Variants in KAT6B observed in about 807,000 individuals in gnomAD.
The protein encoded by KAT6B is histone acetyltransferase KAT6B.
In KAT6B, 10 loss-of-function variants were observed where a neutral mutation model predicts 187.5. The ratio of observed to expected loss-of-function variants is 0.05; its 90% CI spans 0.03 to 0.09. KAT6B has a LOEUF of 0.09. Ranked by LOEUF, KAT6B falls within the 10% of genes least tolerant of loss-of-function variation. KAT6B has a pLI of 1.00. For missense variants in KAT6B, 1,952 were observed against 2,558.9 expected, an observed-to-expected ratio of 0.76 and a Z score of 5.12; for synonymous variants, 861 against 926.8, an observed-to-expected ratio of 0.93 and a Z score of 1.29.
chr10:74,851,212 A>T (rs1480561772), intron 3 of KAT6B, among the ~76,000 whole-genome samples: 1 of 151,580 alleles, frequency 6.6e-6, no homozygotes, highest in African/African-American at 2.4e-5. Context: ...GGTTCAAGCG[A>T]TTCTCCTGCC....
intron 3 of KAT6B, among the ~76,000 whole-genome samples, chr10:74,942,086 G>A (rs890305792): frequency 6.6e-6 from 1 of 152,146 alleles, no homozygotes; most frequent in African/African-American, 2.4e-5. Context: ...GGAGGCGGAG[G>A]TTGCAGTGAG....
Position 74,976,078 on chromosome 10 carries a change from G to T in KAT6B, c.1741G>T (p.Ala581Ser). ...TCGTAAAACTGAATTATCTTCCACG[G>T]CAAAATCTAAAGCCCACTTCTTTGG... ...MRRKTELSST[A>S]KSKAHFFGKR... The change falls in exon 8 of 18, where the codon GCA becomes TCA. Residue 581 changes from alanine to serine, a missense_variant. Ala to Ser is a moderately conservative substitution (Grantham distance 99). This residue lies in a region of KAT6B where 417 missense variants were observed against 508.9 expected (regional missense o/e 0.82). Transcript: ENST00000287239. 1 of 1,614,104 alleles carries T rather than the reference G, an allele frequency of 6.2e-7. No individual in the cohort carries two copies. Among genetic ancestry groups the T allele is most frequent in the Non-Finnish European group, 8.5e-7 (1 of 1,180,034 alleles).
At chr10:74,877,352 A>G (rs1844496440) in intron 3 of KAT6B, among the ~76,000 whole-genome samples, 1 of 152,192 alleles carries the variant, frequency 6.6e-6, no homozygotes, top group South Asian at 2.1e-4. Context: ...AATTTAGGAA[A>G]AGGGGGGCTG....
chr10:74,921,710 C>T (rs536214268), intron 3 of KAT6B, among the ~76,000 whole-genome samples: 1 of 152,316 alleles, frequency 6.6e-6, no homozygotes, highest in African/African-American at 2.4e-5. Context: ...CTCCTGCTTA[C>T]TATTGGTTTT....
In KAT6B at chr10:74,828,522, C is replaced by T. The variant is rs568341115; in HGVS notation, c.-329+1737C>T. ...TATACCCTAGATTTTTTGGCATAGC[C>T]TTGAAATAAAACACTCCATTTTTTT... On this transcript the variant is annotated intron_variant, in intron 1 of 17. Transcript: ENST00000287239. Among the ~76,000 whole-genome samples the T allele has an allele frequency of 2.1e-5, 3 of 145,096 alleles. No individual in the cohort carries two copies. The South Asian group carries it at 6.5e-4, about 31-fold the overall frequency.
At chr10:74,979,109 T>A in intron 9 of KAT6B, 115 bp from the exon 10 acceptor site, 1 of 732,140 alleles carries the variant, frequency 1.4e-6, no homozygotes, top group Non-Finnish European at 2.4e-6. Flanking sequence ...GCCATGCAAA[T>A]TCACAATTAA....
chr10:75,023,865 AAATAAT>A (rs757658732), intron 16 of KAT6B: 1 of 151,980 alleles, frequency 6.6e-6, no homozygotes, highest in Non-Finnish European at 1.5e-5. Flanking sequence ...AGTATTTTTA[AAATAAT>A]AATAATAATA....
rs1846043222 is a variant in KAT6B at position 75,028,483 on chromosome 10, A to C, written c.3665-6A>C. The C allele has an allele frequency of 2.5e-6, 4 of 1,614,118 alleles. No individual in the cohort carries two copies. The highest frequency in any genetic ancestry group is 3.4e-6 in the Non-Finnish European group (4 of 1,180,038). On this transcript the variant is annotated splice_region_variant and splice_polypyrimidine_tract_variant and intron_variant, in intron 17 of 17. Transcript: ENST00000287239. Reference sequence around the variant, plus strand: ...TTTTCCTTCCCGTTTTTGTCTCTTCACTAAGACAATATGAATGATGATTCA... The same window carrying C: ...TTTTCCTTCCCGTTTTTGTCTCTTCCCTAAGACAATATGAATGATGATTCA...
In KAT6B at chr10:74,979,310, C is replaced by T; in HGVS notation, c.2202C>T (p.Tyr734=). The stretch of plus-strand genomic sequence containing the variant: ...GTAAATATGAAATCCAAACCTGGTA[C>T]TCCTCGCCTTACCCACAGGAATATG... ...EFGKYEIQTW[Y]SSPYPQEYAR... Residue 734 remains tyrosine (Y), a synonymous_variant, in exon 10 of 18, where the codon TAC becomes TAT. Transcript: ENST00000287239. 6.2e-7 allele frequency: 1 copy of T among 1,613,262 alleles called. No individual in the cohort carries two copies. Among genetic ancestry groups the T allele is most frequent in the Non-Finnish European group, 8.5e-7 (1 of 1,179,260 alleles).
intron 3 of KAT6B, among the ~76,000 whole-genome samples, chr10:74,932,092 CAT>C (rs1271396318): frequency 6.6e-6 from 1 of 152,194 alleles, no homozygotes; most frequent in Non-Finnish European, 1.5e-5. Context: ...CTCACATTCT[CAT>C]TCTTTGAATC....
intron 3 of KAT6B, among the ~76,000 whole-genome samples, chr10:74,853,620 CTTTTTTT>C (rs542210569): frequency 6.5e-5 from 8 of 122,612 alleles, no homozygotes; most frequent in African/African-American, 9.4e-5. Flanking sequence ...TAAGAAATGC[CTTTTTTT>C]TTTTTTTTTT....
At chr10:74,994,095 T>C (rs1200641208) in intron 13 of KAT6B, among the ~76,000 whole-genome samples, 5 of 152,220 alleles carry the variant, frequency 3.3e-5, no homozygotes, top group Admixed American at 1.3e-4. Context: ...AAAATAATTA[T>C]TACTATGATA....
intron 3 of KAT6B, among the ~76,000 whole-genome samples, chr10:74,904,028 G>A (rs1381681802): frequency 6.6e-6 from 1 of 152,166 alleles, no homozygotes; most frequent in Non-Finnish European, 1.5e-5. Context: ...GGCCAGGTGT[G>A]TATTAGTGAG....
At chr10:75,008,348 G>A (rs1844370602) in intron 13 of KAT6B, among the ~76,000 whole-genome samples, 1 of 152,190 alleles carries the variant, frequency 6.6e-6, no homozygotes, top group African/African-American at 2.4e-5. Context: ...TCTAAAATTT[G>A]TGGTAGATCT....
Position 75,025,051 on chromosome 10 carries a change from C to T in KAT6B, c.3466C>T (p.Leu1156=). The T allele has an allele frequency of 6.2e-7, 1 of 1,614,180 alleles. No individual in the cohort carries two copies. Residue 1156 remains leucine (L), a synonymous_variant, in exon 17 of 18, where the codon CTG becomes TTG. Coordinates refer to ENST00000287239, the MANE Select transcript of KAT6B (RefSeq NM_012330.4). ...GACCATTTCAGAGACGACAGAAGTA[C>T]TGAATGAGCCCTTTGACAACTCAGA... ...TETISETTEV[L]NEPFDNSDEE...
chr10:74,968,668 A>G (rs866741855), intron 4 of KAT6B, among the ~76,000 whole-genome samples: 2 of 152,052 alleles, frequency 1.3e-5, no homozygotes, highest in Admixed American at 6.5e-5. Flanking sequence ...GTTCTTTCAC[A>G]TGGGATTTAC....
At chr10:74,857,216 G>C (rs1391504858) in intron 3 of KAT6B, among the ~76,000 whole-genome samples, 3 of 152,210 alleles carry the variant, frequency 2.0e-5, no homozygotes. Context: ...TTGTCTTACA[G>C]TTCGGTAGGT....
rs543027562 is a variant in KAT6B, at chr10:74,966,979, G to A, written c.731-2681G>A. Reference sequence around the variant, plus strand: ...TGGGAGGCTAAGGTTGCAGTGAGCCGTGATCATGCCACCGCACTCCAGCCT... The same window carrying A: ...TGGGAGGCTAAGGTTGCAGTGAGCCATGATCATGCCACCGCACTCCAGCCT... On this transcript the variant is annotated intron_variant, in intron 4 of 17. Transcript: ENST00000287239. Among the ~76,000 whole-genome samples, 22 of 152,042 alleles carry A rather than the reference G, an allele frequency of 1.4e-4. No individual in the cohort carries two copies. In the South Asian group the frequency reaches 2.9e-3, roughly 20 times the overall value.
At chr10:74,871,346 T>C (rs1216812396) in intron 3 of KAT6B, among the ~76,000 whole-genome samples, 1 of 151,362 alleles carries the variant, frequency 6.6e-6, no homozygotes, top group Non-Finnish European at 1.5e-5. Flanking sequence ...GCACACACCG[T>C]CATACCCGGC....
Sources: allele counts gnomAD v4.1 joint callset (sites outside exome capture counted in the v4.1 genomes callset), GRCh38; gene constraint gnomAD v4.1.1; regional missense constraint gnomAD v4.1.1; transcripts MANE v1.5; gene names NCBI Gene and HGNC (gene_info 2026-07-23, HGNC 2026-07-21).